STX8: variants seen among roughly 807,000 people sequenced by gnomAD.
The protein encoded by STX8 is syntaxin 8, also known as syntaxin-8.
STX8 carries 23 observed loss-of-function variants against 37.5 expected under a neutral mutation model. The observed-to-expected ratio is 0.61, with a 90% confidence interval of 0.44 to 0.87. The LOEUF (loss-of-function observed/expected upper bound fraction) is 0.87, where lower values mean the gene tolerates loss of function less well. Among genes scored for constraint, STX8 ranks in the 40% least tolerant of loss-of-function variants. The pLI, the probability that STX8 is intolerant of heterozygous loss-of-function variation, is 0.00. For missense variants in STX8, 313 were observed against 284.7 expected, an observed-to-expected ratio of 1.10 and a Z score of -0.71; for synonymous variants, 115 against 99.1, an observed-to-expected ratio of 1.16 and a Z score of -0.95.
intron 7 of STX8, among the ~76,000 whole-genome samples, chr17:9,342,519 A>G (rs910761012): frequency 6.6e-6 from 1 of 152,190 alleles, no homozygotes; most frequent in Non-Finnish European, 1.5e-5. Context: ...AAAGAGCTCC[A>G]CATAGGAAAG....
intron 7 of STX8, among the ~76,000 whole-genome samples, chr17:9,376,594 T>A (rs142527428): frequency 1.3e-5 from 2 of 152,316 alleles, no homozygotes; most frequent in East Asian, 3.9e-4. Flanking sequence ...GGAAGCTTTG[T>A]TCTTTCACTG....
Position 9,286,371 on chromosome 17 carries a change from A to G in STX8, c.644-35726T>C, listed in dbSNP as rs61523640. On this transcript the variant is annotated intron_variant, in intron 7 of 7. Coordinates refer to ENST00000306357, the MANE Select transcript of STX8 (RefSeq NM_004853.3). ...AATTATTTTGGCTTTGGGAGACAACACTGTCTGTTATGTTGGGGTGGGTAG... is the reference window on the plus strand; with the variant it reads ...AATTATTTTGGCTTTGGGAGACAACGCTGTCTGTTATGTTGGGGTGGGTAG... Among the ~76,000 whole-genome samples, 207 of 152,326 alleles carry G rather than the reference A, an allele frequency of 1.4e-3. 1 individual carries two copies. Among genetic ancestry groups the G allele is most frequent in the African/African-American group, 4.7e-3 (197 of 41,572 alleles).
rs868202685 is a variant in STX8 at position 9,506,422 on chromosome 17, C to A, written c.324-1260G>T. On this transcript the variant is annotated intron_variant, in intron 4 of 7. Transcript: ENST00000306357. ...GCTCACCCGCTCCCCCCCCCCCCCA[C>A]CCACCTTTCTTAGGAAAGGACTAAG... Among the ~76,000 whole-genome samples the A allele has an allele frequency of 4.6e-5, 5 of 109,504 alleles. 1 individual carries two copies. The highest frequency in any genetic ancestry group is 1.6e-4 in the African/African-American group (4 of 25,240). 71.8% of individuals were successfully genotyped at this position (109,504 alleles called of 152,430 possible).
At chr17:9,574,926 C>G (rs961520651) in intron 1 of STX8, among the ~76,000 whole-genome samples, 5 of 152,140 alleles carry the variant, frequency 3.3e-5, no homozygotes, top group Admixed American at 2.0e-4. Context: ...TCTTGGAATC[C>G]ATTCTTCTAA....
chr17:9,421,511 G>A (rs1272973727), intron 6 of STX8, among the ~76,000 whole-genome samples: 1 of 148,454 alleles, frequency 6.7e-6, no homozygotes, highest in African/African-American at 2.5e-5. Context: ...ATACAGCCAT[G>A]CTTATGCCTT....
At chr17:9,425,613 G>A (rs1225983303) in intron 6 of STX8, among the ~76,000 whole-genome samples, 1 of 152,112 alleles carries the variant, frequency 6.6e-6, no homozygotes, top group Non-Finnish European at 1.5e-5. Context: ...TGTAAAAAAT[G>A]TTCATTACAA....
At chr17:9,509,460 A>C (rs1331797516) in intron 4 of STX8, among the ~76,000 whole-genome samples, 1 of 152,190 alleles carries the variant, frequency 6.6e-6, no homozygotes, top group Non-Finnish European at 1.5e-5. Context: ...TCCAGAAATG[A>C]AAGAGAAATA....
intron 6 of STX8, among the ~76,000 whole-genome samples, chr17:9,383,210 A>G (rs529659807): frequency 1.3e-5 from 2 of 152,340 alleles, no homozygotes; most frequent in South Asian, 4.1e-4. Flanking sequence ...CAGCCAGTTG[A>G]TGGCATTTTA....
chr17:9,266,056 G>A (rs1313347155), intron 7 of STX8, among the ~76,000 whole-genome samples: 2 of 152,076 alleles, frequency 1.3e-5, no homozygotes, highest in African/African-American at 2.4e-5. Flanking sequence ...AACATTGCGG[G>A]TAAGACTAGG....
chr17:9,376,335 A>C (rs909669290), intron 7 of STX8, among the ~76,000 whole-genome samples: 1 of 152,236 alleles, frequency 6.6e-6, no homozygotes, highest in African/African-American at 2.4e-5. Context: ...ACCAACCAGC[A>C]CGCTGTAAAA....
chr17:9,339,113 A>G (rs1316101250), intron 7 of STX8, among the ~76,000 whole-genome samples: 1 of 151,806 alleles, frequency 6.6e-6, no homozygotes, highest in African/African-American at 2.4e-5. Context: ...GCTCTTAAAT[A>G]TGAAAGCCAG....
intron 7 of STX8, among the ~76,000 whole-genome samples, chr17:9,345,587 A>G (rs1295810917): frequency 4.6e-5 from 7 of 152,148 alleles, no homozygotes; most frequent in Non-Finnish European, 2.9e-5. Flanking sequence ...TTATTTTTAG[A>G]TGACAAAGAA....
chr17:9,352,092 C>T (rs1161234772), intron 7 of STX8, among the ~76,000 whole-genome samples: 3 of 149,416 alleles, frequency 2.0e-5, no homozygotes, highest in African/African-American at 4.9e-5. Context: ...TGGAGGGCTT[C>T]GGTGAGCTAC....
At chr17:9,376,615 A>C (rs894874648) in intron 7 of STX8, among the ~76,000 whole-genome samples, 1 of 152,276 alleles carries the variant, frequency 6.6e-6, no homozygotes, top group South Asian at 2.1e-4. Flanking sequence ...TTCACAATAA[A>C]TCTTGCTGCT....
intron 7 of STX8, among the ~76,000 whole-genome samples, chr17:9,344,562 T>C (rs1910473068): frequency 6.6e-6 from 1 of 152,246 alleles, no homozygotes; most frequent in South Asian, 2.1e-4. Context: ...AACCTCTTCC[T>C]TTCTTTGCTC....
chr17:9,491,955 C>G (rs1415826446), intron 5 of STX8, 34 bp from the exon 6 acceptor site: 2 of 1,522,156 alleles, frequency 1.3e-6, no homozygotes, highest in Non-Finnish European at 1.8e-6. Flanking sequence ...TAACTAGAAA[C>G]TAGAAGAAAA....
At chr17:9,297,409 G>C (rs530158913) in intron 7 of STX8, among the ~76,000 whole-genome samples, 1 of 152,258 alleles carries the variant, frequency 6.6e-6, no homozygotes, top group African/African-American at 2.4e-5. Context: ...AAATGCCAAG[G>C]AAGCTTAGAG....
chr17:9,551,342 T>C (rs1478535476), intron 3 of STX8, among the ~76,000 whole-genome samples: 4 of 152,240 alleles, frequency 2.6e-5, no homozygotes, highest in African/African-American at 7.2e-5. Context: ...CATCATTGTT[T>C]GTGAGTTTTG....
intron 7 of STX8, among the ~76,000 whole-genome samples, chr17:9,320,068 C>T (rs1343834656): frequency 6.6e-6 from 1 of 151,638 alleles, no homozygotes; most frequent in Admixed American, 6.6e-5. Context: ...TGCTGTGTGG[C>T]TCACACCTGT....
Sources: gnomAD v4.1 joint callset for allele counts (sites outside exome capture counted in the v4.1 genomes callset) on GRCh38, gnomAD v4.1.1 for gene constraint, MANE v1.5 for transcripts, NCBI Gene and HGNC (gene_info 2026-07-23, HGNC 2026-07-21) for gene names.